STPG2: variants seen among roughly 807,000 people sequenced by gnomAD.
STPG2 encodes the protein sperm-tail PG-rich repeat-containing protein 2.
Under a neutral mutation model 54.2 loss-of-function variants are expected in STPG2, and 56 were observed. The ratio of observed to expected loss-of-function variants is 1.03; its 90% CI spans 0.83 to 1.29. STPG2 has a LOEUF of 1.29. STPG2 is among the 50% of genes most tolerant of loss of function. STPG2 has a pLI of 0.00. For missense variants in STPG2, 596 were observed against 544.9 expected, an observed-to-expected ratio of 1.09 and a Z score of -0.93; for synonymous variants, 200 against 181.8, an observed-to-expected ratio of 1.10 and a Z score of -0.81.
chr4:98,019,607 C>A lies in STPG2; in HGVS notation c.613-38289G>T, dbSNP rs191432798. 2.9e-3 allele frequency among the ~76,000 whole-genome samples: 432 copies of A among 151,382 alleles called. 2 individuals carry two copies. Among genetic ancestry groups the A allele is most frequent in the Non-Finnish European group, 5.3e-3 (357 of 67,904 alleles). ...CATTGAATGTATAAATTACCTTGGGCAGTACGGCCATTTTCACAATATTGA... is the reference window on the plus strand; with the variant it reads ...CATTGAATGTATAAATTACCTTGGGAAGTACGGCCATTTTCACAATATTGA... On this transcript the variant is annotated intron_variant, in intron 5 of 10. Transcript: ENST00000295268.
At chr4:97,575,585 A>C (rs927114497) in intron 10 of STPG2, among the ~76,000 whole-genome samples, 1 of 152,166 alleles carries the variant, frequency 6.6e-6, no homozygotes, top group Non-Finnish European at 1.5e-5. Context: ...TTTCATGATA[A>C]AAACCCACAA....
chr4:97,780,665 G>A (rs1264661832), intron 9 of STPG2, among the ~76,000 whole-genome samples: 2 of 144,092 alleles, frequency 1.4e-5, no homozygotes, highest in Admixed American at 1.4e-4. Flanking sequence ...TTCCAAAATT[G>A]ACCACAGAGT....
chr4:97,814,720 C>A (rs1303999688), intron 9 of STPG2, among the ~76,000 whole-genome samples: 1 of 152,076 alleles, frequency 6.6e-6, no homozygotes, highest in Non-Finnish European at 1.5e-5. Flanking sequence ...CCAGCATGGA[C>A]AGGATATAAA....
intron 4 of STPG2, among the ~76,000 whole-genome samples, chr4:97,528,267 C>T (rs1731328541): frequency 6.6e-6 from 1 of 152,056 alleles, no homozygotes; most frequent in South Asian, 2.1e-4. Context: ...ATCTTTTCCC[C>T]ATTGCTTGTT....
intron 5 of STPG2, among the ~76,000 whole-genome samples, chr4:98,035,010 G>A (rs1410894702): frequency 1.3e-5 from 2 of 152,066 alleles, no homozygotes; most frequent in Non-Finnish European, 2.9e-5. Flanking sequence ...AGAAAACCTA[G>A]GCAATACCAT....
chr4:97,688,690 T>A (rs909137285), intron 10 of STPG2, among the ~76,000 whole-genome samples: 1 of 152,180 alleles, frequency 6.6e-6, no homozygotes, highest in African/African-American at 2.4e-5. Context: ...TCAGGTCACA[T>A]GTTTCTCTGA....
chr4:97,648,734 A>G (rs1190143306), intron 10 of STPG2, among the ~76,000 whole-genome samples: 5 of 152,156 alleles, frequency 3.3e-5, no homozygotes, highest in Non-Finnish European at 5.9e-5. Flanking sequence ...CTGTTGACAG[A>G]TCAAGGAAAT....
At chr4:97,982,382 A>ACACACG (rs1734711390) in intron 5 of STPG2, among the ~76,000 whole-genome samples, 2 of 149,606 alleles carry the variant, frequency 1.3e-5, no homozygotes, top group African/African-American at 4.9e-5. Context: ...TACTCTACAC[A>ACACACG]CACACACACA....
intron 8 of STPG2, among the ~76,000 whole-genome samples, chr4:97,853,143 A>AT (rs1308859147): frequency 1.3e-5 from 2 of 151,636 alleles, no homozygotes; most frequent in African/African-American, 2.4e-5. Flanking sequence ...CGCCCAGCTA[A>AT]TTTTTTGTAT....
chr4:97,487,355 T>C (rs1172428019), intron 4 of STPG2, among the ~76,000 whole-genome samples: 1 of 151,462 alleles, frequency 6.6e-6, no homozygotes, highest in Non-Finnish European at 1.5e-5. Flanking sequence ...ATGAAAATGA[T>C]CTATTACACA....
chr4:97,785,427 T>C (rs556083542), intron 9 of STPG2, among the ~76,000 whole-genome samples: 4 of 152,194 alleles, frequency 2.6e-5, no homozygotes, highest in Admixed American at 2.6e-4. Context: ...AAAGAATGAT[T>C]TCATGTCATT....
intron 10 of STPG2, among the ~76,000 whole-genome samples, chr4:97,708,885 T>G (rs1051424029): frequency 3.3e-5 from 5 of 151,862 alleles, no homozygotes; most frequent in African/African-American, 1.2e-4. Context: ...AACAAAAGGA[T>G]TTTCTAAATA....
intron 5 of STPG2, among the ~76,000 whole-genome samples, chr4:98,031,647 C>T (rs958918896): frequency 6.6e-6 from 1 of 151,670 alleles, no homozygotes; most frequent in Admixed American, 6.6e-5. Context: ...ATCATGCCAC[C>T]GCACTCCAGC....
At chr4:97,909,147 G>C (rs187776751) in intron 8 of STPG2, among the ~76,000 whole-genome samples, 1 of 151,108 alleles carries the variant, frequency 6.6e-6, no homozygotes, top group African/African-American at 2.4e-5. Flanking sequence ...GAGTGAAAAA[G>C]CATAAGCTAA....
At chr4:97,496,556 T>C (rs1730615076) in intron 4 of STPG2, among the ~76,000 whole-genome samples, 1 of 151,740 alleles carries the variant, frequency 6.6e-6, no homozygotes, top group Non-Finnish European at 1.5e-5. Context: ...GCAAAATAGA[T>C]TGCATAACCT....
intron 8 of STPG2, among the ~76,000 whole-genome samples, chr4:97,895,271 A>C (rs1297034889): frequency 1.3e-5 from 2 of 151,898 alleles, no homozygotes; most frequent in Non-Finnish European, 2.9e-5. Context: ...AAACATGACA[A>C]AGGAAACAAA....
intron 5 of STPG2, among the ~76,000 whole-genome samples, chr4:98,044,438 A>C (rs1346468940): frequency 6.6e-6 from 1 of 152,148 alleles, no homozygotes. Flanking sequence ...ATAAATCTGT[A>C]TCAAGATGGT....
intron 10 of STPG2, among the ~76,000 whole-genome samples, chr4:97,632,716 A>G (rs1327922954): frequency 6.6e-6 from 1 of 152,162 alleles, no homozygotes; most frequent in Non-Finnish European, 1.5e-5. Flanking sequence ...CTGCAGTGAG[A>G]TACAGAATGT....
intron 10 of STPG2, among the ~76,000 whole-genome samples, chr4:97,668,760 T>C (rs1012372867): frequency 2.0e-5 from 2 of 98,714 alleles, no homozygotes; most frequent in African/African-American, 4.1e-5. Context: ...AAATAATGTA[T>C]AGGATAGAGT....
Sources: gnomAD v4.1 joint callset for allele counts (sites outside exome capture counted in the v4.1 genomes callset) on GRCh38, gnomAD v4.1.1 for gene constraint, MANE v1.5 for transcripts, NCBI Gene and HGNC (gene_info 2026-07-23, HGNC 2026-07-21) for gene names.